NKAIN3: variants seen among roughly 807,000 people sequenced by gnomAD.
NKAIN3 encodes the protein sodium/potassium-transporting ATPase subunit beta-1-interacting protein 3.
In NKAIN3, 25 loss-of-function variants were observed where a neutral mutation model predicts 30.2. The observed-to-expected ratio is 0.83, with a 90% CI of 0.60 to 1.16. The LOEUF (loss-of-function observed/expected upper bound fraction) is 1.16, where lower values mean the gene tolerates loss of function less well. NKAIN3 is among the 50% of genes most tolerant of loss of function. The probability of loss-of-function intolerance (pLI) is 0.00; values close to 1 mark genes in which losing one functional copy is unlikely to be tolerated. For synonymous variants in NKAIN3, 91 were observed against 89.6 expected, an observed-to-expected ratio of 1.02 and a Z score of -0.09; for missense variants, 225 against 254.1, an observed-to-expected ratio of 0.89 and a Z score of 0.78.
intron 5 of NKAIN3, among the ~76,000 whole-genome samples, chr8:62,919,536 T>G (rs1822214464): frequency 6.6e-6 from 1 of 152,132 alleles, no homozygotes; most frequent in African/African-American, 2.4e-5. Flanking sequence ...TCAGCCACCA[T>G]GCCCAGCCTA....
In NKAIN3 at chr8:62,534,861, G is replaced by GT. The variant is rs56262159; in HGVS notation, c.55-44665dup. ...AAATGTAAAAACATTGCATTTATTG[G>GT]TTTTTTTTTTTTTCGTATAGTTTCT... On this transcript the variant is annotated intron_variant, in intron 1 of 6. Transcript: ENST00000623646. Among the ~76,000 whole-genome samples, 1,160 of 148,524 alleles carry GT rather than the reference G, an allele frequency of 7.8e-3. 19 individuals carry two copies. Among genetic ancestry groups the GT allele is most frequent in the African/African-American group, 0.027 (1,096 of 40,542 alleles).
At chr8:62,733,698 C>T (rs533421507) in intron 3 of NKAIN3, among the ~76,000 whole-genome samples, 2 of 151,772 alleles carry the variant, frequency 1.3e-5, no homozygotes, top group East Asian at 3.9e-4. Flanking sequence ...TTCTTATTCT[C>T]ACCTCCAAAC....
At chr8:62,264,359 T>C (rs1812542746) in intron 1 of NKAIN3, among the ~76,000 whole-genome samples, 1 of 152,194 alleles carries the variant, frequency 6.6e-6, no homozygotes, top group Non-Finnish European at 1.5e-5. Flanking sequence ...ACAGTGTGTA[T>C]ATTATCTTCA....
chr8:62,847,570 G>A (rs1427895497), intron 4 of NKAIN3, among the ~76,000 whole-genome samples: 2 of 151,418 alleles, frequency 1.3e-5, no homozygotes, highest in Non-Finnish European at 2.9e-5. Context: ...CTTTATAGAT[G>A]CTGGATATCA....
At chr8:62,273,048 C>T (rs1157099932) in intron 1 of NKAIN3, among the ~76,000 whole-genome samples, 1 of 152,106 alleles carries the variant, frequency 6.6e-6, no homozygotes, top group African/African-American at 2.4e-5. Flanking sequence ...TAGCCATGGA[C>T]AATACAGAAA....
chr8:62,297,736 T>G (rs1256489505), intron 1 of NKAIN3, among the ~76,000 whole-genome samples: 2 of 152,176 alleles, frequency 1.3e-5, no homozygotes, highest in Non-Finnish European at 2.9e-5. Context: ...GAATGTAAAC[T>G]AGTTCAACCA....
At chr8:62,560,020 G>T (rs949720888) in intron 1 of NKAIN3, among the ~76,000 whole-genome samples, 2 of 152,012 alleles carry the variant, frequency 1.3e-5, no homozygotes, top group Non-Finnish European at 2.9e-5. Context: ...ATTCCTAAAG[G>T]TTATTTTTGC....
intron 1 of NKAIN3, among the ~76,000 whole-genome samples, chr8:62,399,313 C>T (rs540106388): frequency 2.6e-5 from 4 of 152,212 alleles, no homozygotes; most frequent in Admixed American, 1.3e-4. Context: ...CAAGACCAGC[C>T]TGGCCAACAT....
At chr8:62,858,841 T>A (rs531182168) in intron 4 of NKAIN3, among the ~76,000 whole-genome samples, 1 of 152,138 alleles carries the variant, frequency 6.6e-6, no homozygotes, top group African/African-American at 2.4e-5. Flanking sequence ...TCTTGTCTTG[T>A]GAGGTGCCAT....
intron 4 of NKAIN3, among the ~76,000 whole-genome samples, chr8:62,808,029 A>G (rs1818360552): frequency 2.6e-5 from 4 of 152,072 alleles, no homozygotes; most frequent in Admixed American, 2.0e-4. Context: ...TTAAAATTTT[A>G]TCTTCTTTTT....
At chr8:62,516,234 T>C (rs1451859) in intron 1 of NKAIN3, among the ~76,000 whole-genome samples, 118,556 of 151,946 alleles carry the variant, frequency 0.78, 48,110 homozygotes, top group South Asian at 0.91. Context: ...CTGTATGGTA[T>C]GAGGTAAGGA....
In NKAIN3 at chr8:62,977,927, C is replaced by G. The variant is rs1198530400; in HGVS notation, c.*12520C>G. On this transcript the variant is annotated 3_prime_UTR_variant, in exon 7 of 7. Transcript: ENST00000623646. ...GTCATGCTCTTTGTTGATGTTGATG[C>G]TATTGCTTTCTGTTTGTTAATTTTC... 1 of 152,240 alleles carries G rather than the reference C, an allele frequency of 6.6e-6. No homozygotes were observed. The highest frequency in any genetic ancestry group is 1.5e-5 in the Non-Finnish European group (1 of 68,088). 9.4% of individuals were successfully genotyped at this position (152,240 alleles called of 1,614,324 possible).
intron 1 of NKAIN3, among the ~76,000 whole-genome samples, chr8:62,404,824 G>A (rs1482313917): frequency 6.6e-6 from 1 of 152,014 alleles, no homozygotes; most frequent in East Asian, 1.9e-4. Context: ...TCAATCAGTA[G>A]TTTCTTCCCA....
chr8:62,505,297 A>G (rs898874554), intron 1 of NKAIN3, among the ~76,000 whole-genome samples: 1 of 152,188 alleles, frequency 6.6e-6, no homozygotes, highest in African/African-American at 2.4e-5. Flanking sequence ...AAAGCAACTA[A>G]CAAGACTGTT....
intron 1 of NKAIN3, among the ~76,000 whole-genome samples, chr8:62,340,834 A>C (rs1585699507): frequency 6.6e-6 from 1 of 152,106 alleles, no homozygotes; most frequent in Non-Finnish European, 1.5e-5. Context: ...CTCGGAGGCA[A>C]GGTTGAGGCA....
chr8:62,396,728 C>T (rs1817778874), intron 1 of NKAIN3, among the ~76,000 whole-genome samples: 1 of 152,160 alleles, frequency 6.6e-6, no homozygotes, highest in Admixed American at 6.5e-5. Context: ...ATGACAAGTT[C>T]TTCATTATTT....
At chr8:62,912,292 G>C (rs763205479) in intron 4 of NKAIN3, among the ~76,000 whole-genome samples, 2 of 152,038 alleles carry the variant, frequency 1.3e-5, no homozygotes, top group Non-Finnish European at 2.9e-5. Flanking sequence ...AGTTGCTCTC[G>C]GTAAGTTGGT....
At chr8:62,769,195 A>G (rs1816942210) in intron 4 of NKAIN3, among the ~76,000 whole-genome samples, 1 of 152,162 alleles carries the variant, frequency 6.6e-6, no homozygotes, top group Non-Finnish European at 1.5e-5. Flanking sequence ...TTTATTGCAA[A>G]GAAAGTTCTT....
At chr8:62,794,613 C>T (rs554401607) in intron 4 of NKAIN3, among the ~76,000 whole-genome samples, 2 of 152,266 alleles carry the variant, frequency 1.3e-5, no homozygotes, top group East Asian at 3.9e-4. Flanking sequence ...TCTGTTTGAG[C>T]TCAGCCCTTC....
Sources: gnomAD v4.1 joint callset for allele counts (sites outside exome capture counted in the v4.1 genomes callset) on GRCh38, gnomAD v4.1.1 for gene constraint, MANE v1.5 for transcripts, NCBI Gene and HGNC (gene_info 2026-07-23, HGNC 2026-07-21) for gene names.